DPP10: variants seen among roughly 807,000 people sequenced by gnomAD.
DPP10 encodes dipeptidyl peptidase like 10.
Under a neutral mutation model 120.9 loss-of-function variants are expected in DPP10, and 33 were observed. That is an observed-to-expected ratio of 0.27 (90% CI 0.21 to 0.37). DPP10 has a LOEUF of 0.37. DPP10 is among the 10% of genes least tolerant of loss of function. The pLI, the probability that DPP10 is intolerant of heterozygous loss-of-function variation, is 1.00. For synonymous variants in DPP10, 337 were observed against 326.1 expected (o/e 1.03, Z -0.36); for missense variants, 816 against 942.8 (o/e 0.87, Z 1.76).
At chr2:115,112,577 A>G (rs1381199680) in intron 1 of DPP10, among the ~76,000 whole-genome samples, 1 of 152,188 alleles carries the variant, frequency 6.6e-6, no homozygotes, top group Non-Finnish European at 1.5e-5. Context: ...TCTAAAATCC[A>G]TCCTCTCAGC....
At chr2:115,185,594 T>C (rs913979861) in intron 1 of DPP10, among the ~76,000 whole-genome samples, 2 of 152,180 alleles carry the variant, frequency 1.3e-5, no homozygotes, top group Admixed American at 6.5e-5. Flanking sequence ...CAATCTATGT[T>C]AAAACCACAA....
Position 114,830,899 on chromosome 2 carries a change from TA to T in DPP10, c.60+388070del, listed in dbSNP as rs199823967. Among the ~76,000 whole-genome samples the T allele has an allele frequency of 1.8e-3, 266 of 150,656 alleles. 1 individual carries two copies. Among genetic ancestry groups the T allele is most frequent in the African/African-American group, 5.5e-3 (226 of 41,166 alleles). On this transcript the variant is annotated intron_variant, in intron 1 of 25. Transcript: ENST00000410059. ...TTTTAAATTTATCATTAGTTAACAT[TA>T]AAAAAAAAGTTAAAAACAAGCATTG...
In DPP10 at chr2:114,759,475, T is replaced by C. The variant is rs549088072; in HGVS notation, c.60+316637T>C. The stretch of plus-strand genomic sequence containing the variant: ...ACGGGTGCTGTAAATCTTTTTTTTT[T>C]TTCTTTTAATAAACTCTTTAGTTTT... On this transcript the variant is annotated intron_variant, in intron 1 of 25. Transcript: ENST00000410059. Among the ~76,000 whole-genome samples the C allele has an allele frequency of 9.9e-5, 15 of 152,160 alleles. No individual in the cohort carries two copies. In the South Asian group the frequency reaches 2.9e-3, roughly 30 times the overall value.
intron 5 of DPP10, among the ~76,000 whole-genome samples, chr2:115,645,933 A>G (rs1321658652): frequency 6.6e-6 from 1 of 152,164 alleles, no homozygotes; most frequent in African/African-American, 2.4e-5. Context: ...CAACATAAAT[A>G]TCATAGACAG....
intron 1 of DPP10, among the ~76,000 whole-genome samples, chr2:114,977,910 T>C (rs959547417): frequency 6.6e-6 from 1 of 152,092 alleles, no homozygotes; most frequent in Non-Finnish European, 1.5e-5. Flanking sequence ...GTGAATCTTA[T>C]CAAATTTTTT....
intron 3 of DPP10, among the ~76,000 whole-genome samples, chr2:115,405,854 A>G (rs904012088): frequency 1.4e-4 from 21 of 152,144 alleles, no homozygotes; most frequent in African/African-American, 5.1e-4. Flanking sequence ...TATCCCCCAC[A>G]ACATTCCACC....
Position 114,614,856 on chromosome 2 carries a change from G to A in DPP10, c.60+172018G>A, listed in dbSNP as rs557007188. Among the ~76,000 whole-genome samples the A allele has an allele frequency of 1.6e-4, 24 of 152,242 alleles. No individual in the cohort carries two copies. The South Asian group carries it at 4.8e-3, about 30-fold the overall frequency. On this transcript the variant is annotated intron_variant, in intron 1 of 25. Coordinates refer to ENST00000410059, the MANE Select transcript of DPP10 (RefSeq NM_020868.6). ...GATAGCAAAAGCCTTTTCATTAATT[G>A]TGCATAAATTATCAACACAGCCAGT... is the stretch of plus-strand genomic sequence containing the variant.
intron 4 of DPP10, among the ~76,000 whole-genome samples, chr2:115,500,550 A>G (rs1485445264): frequency 6.6e-6 from 1 of 152,022 alleles, no homozygotes; most frequent in Non-Finnish European, 1.5e-5. Context: ...ATTTTTACAT[A>G]TTAAGGAGAA....
intron 5 of DPP10, among the ~76,000 whole-genome samples, chr2:115,652,267 T>G (rs1404618927): frequency 6.6e-6 from 1 of 151,968 alleles, no homozygotes; most frequent in Non-Finnish European, 1.5e-5. Context: ...TGAGAACTAG[T>G]AAATTATGAA....
intron 1 of DPP10, among the ~76,000 whole-genome samples, chr2:114,713,074 C>A (rs1701129440): frequency 6.7e-6 from 1 of 149,960 alleles, no homozygotes; most frequent in Non-Finnish European, 1.5e-5. Flanking sequence ...GCAACCTCTG[C>A]CTCCTGGGTT....
At chr2:115,516,991 A>G (rs1251358974) in intron 4 of DPP10, among the ~76,000 whole-genome samples, 2 of 152,192 alleles carry the variant, frequency 1.3e-5, no homozygotes, top group African/African-American at 4.8e-5. Context: ...CTGTGGAATA[A>G]TAGAGCCTCT....
At chr2:114,969,715 AG>A (rs893733810) in intron 1 of DPP10, among the ~76,000 whole-genome samples, 9 of 152,138 alleles carry the variant, frequency 5.9e-5, no homozygotes, top group Non-Finnish European at 1.2e-4. Context: ...TGGTTCTTCC[AG>A]GCAAGAACCA....
At chr2:115,762,477 GA>G (rs1252713540) in intron 11 of DPP10, 94 bp from the exon 12 acceptor site, 111 of 1,298,700 alleles carry the variant, frequency 8.5e-5, no homozygotes, top group Non-Finnish European at 9.9e-5. Flanking sequence ...TGAAGAGAGG[GA>G]AAAAAAACTG....
chr2:114,548,653 C>T lies in DPP10; in HGVS notation c.60+105815C>T, dbSNP rs118189261. 1.1e-3 allele frequency among the ~76,000 whole-genome samples: 165 copies of T among 152,276 alleles called. 3 individuals are homozygous for T. In the East Asian group the frequency reaches 0.026, roughly 24 times the overall value. On this transcript the variant is annotated intron_variant, in intron 1 of 25. Transcript: ENST00000410059. ...TGTCCCTAAACAGCGACTTCATTTC[C>T]GGAGCTACTTTTTAAGTGTTGGTGA...
At chr2:115,175,851 G>T (rs2053650142) in intron 1 of DPP10, among the ~76,000 whole-genome samples, 1 of 152,136 alleles carries the variant, frequency 6.6e-6, no homozygotes. Context: ...TGTGGCTAGG[G>T]CTACTATATA....
intron 10 of DPP10, among the ~76,000 whole-genome samples, chr2:115,752,013 T>C (rs935737542): frequency 2.6e-5 from 4 of 152,200 alleles, no homozygotes; most frequent in African/African-American, 9.6e-5. Context: ...TTAGCCAGGA[T>C]GGTCTCCATC....
intron 7 of DPP10, among the ~76,000 whole-genome samples, chr2:115,699,949 A>G (rs1269407187): frequency 2.6e-5 from 4 of 152,202 alleles, no homozygotes; most frequent in African/African-American, 7.2e-5. Flanking sequence ...TGGGTAATTT[A>G]TAAAGAAAAG....
At chr2:114,817,752 A>G (rs1685759485) in intron 1 of DPP10, among the ~76,000 whole-genome samples, 1 of 152,218 alleles carries the variant, frequency 6.6e-6, no homozygotes. Flanking sequence ...CAGGCACAGT[A>G]GTAAGAGTAG....
intron 1 of DPP10, among the ~76,000 whole-genome samples, chr2:115,233,637 C>A (rs1344640518): frequency 1.3e-5 from 2 of 152,154 alleles, no homozygotes; most frequent in African/African-American, 4.8e-5. Context: ...CTTAGGGACT[C>A]TGGGTCTCCC....
Sources: allele counts gnomAD v4.1 joint callset (sites outside exome capture counted in the v4.1 genomes callset), GRCh38; gene constraint gnomAD v4.1.1; transcripts MANE v1.5; gene names NCBI Gene and HGNC (gene_info 2026-07-23, HGNC 2026-07-21).